The following PHACTR1 variants were observed in gnomAD, a reference collection of about 807,000 sequenced individuals.
PHACTR1 encodes RPEL repeat containing 1.
A neutral mutation model predicts 69.2 loss-of-function variants in PHACTR1; 16 were observed. The ratio of observed to expected loss-of-function variants is 0.23; its 90% CI spans 0.16 to 0.35. The LOEUF (loss-of-function observed/expected upper bound fraction) is 0.35, where lower values mean the gene tolerates loss of function less well. Among genes scored for constraint, PHACTR1 ranks in the 10% least tolerant of loss-of-function variants. The probability of loss-of-function intolerance (pLI) is 1.00; values close to 1 mark genes in which losing one functional copy is unlikely to be tolerated. For synonymous variants in PHACTR1, 312 were observed against 284.5 expected (o/e 1.10, Z -0.97); for missense variants, 510 against 734.7 (o/e 0.69, Z 3.54).
rs1162361845 is a variant in PHACTR1 at position 12,999,874 on chromosome 6, C to T, written c.251-53491C>T. 2.0e-5 allele frequency among the ~76,000 whole-genome samples: 3 copies of T among 152,190 alleles called. No individual in the cohort carries two copies. The East Asian group carries it at 5.8e-4, about 29-fold the overall frequency. ...ATTCCTTTACATTATTTTTGAAACACTAAAGCAGCTAGGACTCCATGTTAA... is the reference window on the plus strand; with the variant it reads ...ATTCCTTTACATTATTTTTGAAACATTAAAGCAGCTAGGACTCCATGTTAA... On this transcript the variant is annotated intron_variant, in intron 4 of 14. Coordinates refer to ENST00000332995, the MANE Select transcript of PHACTR1 (RefSeq NM_030948.6).
chr6:13,280,785 G>T, intron 12 of PHACTR1: 1 of 400,486 alleles, frequency 2.5e-6, no homozygotes, highest in Non-Finnish European at 4.6e-6. Context: ...TTGGGAGGCC[G>T]AGGCGGGCCT....
rs1777274887 is a variant in PHACTR1, at chr6:13,269,268, G to GTCTCT, written c.1392-3591_1392-3590insCTCTT. ...TGCGCATCTCTTATAAAAGCAGCAAGTATTTTTAGGGAAAATAAACTGGCA... is the reference window on the plus strand; with the variant it reads ...TGCGCATCTCTTATAAAAGCAGCAAGTCTCTTATTTTTAGGGAAAATAAACTGGCA... On this transcript the variant is annotated intron_variant, in intron 10 of 14. Transcript: ENST00000332995. 2.6e-5 allele frequency among the ~76,000 whole-genome samples: 4 copies of GTCTCT among 152,310 alleles called. No individual in the cohort carries two copies. The South Asian group carries it at 6.2e-4, about 24-fold the overall frequency.
Position 12,994,304 on chromosome 6 carries a change from C to A in PHACTR1, c.251-59061C>A, listed in dbSNP as rs530179576. On this transcript the variant is annotated intron_variant, in intron 4 of 14. Transcript: ENST00000332995. ...AGTGTAAAGCAACTTCTCTGTCACT[C>A]CCTCAAGAGGTGGGATTTTTCCCCC... Among the ~76,000 whole-genome samples the A allele has an allele frequency of 4.6e-5, 7 of 152,256 alleles. No homozygotes were observed. In the East Asian group the frequency reaches 1.4e-3, roughly 29 times the overall value.
intron 4 of PHACTR1, among the ~76,000 whole-genome samples, chr6:12,926,562 C>T (rs1205856805): frequency 3.3e-5 from 5 of 152,234 alleles, no homozygotes; most frequent in Non-Finnish European, 5.9e-5. Context: ...CACCCTGTCT[C>T]ACAACATCAA....
At chr6:12,992,621 T>C (rs1374975601) in intron 4 of PHACTR1, among the ~76,000 whole-genome samples, 3 of 152,172 alleles carry the variant, frequency 2.0e-5, no homozygotes, top group Admixed American at 6.5e-5. Context: ...ATTTACCAAA[T>C]ATTGAAGCGG....
chr6:12,819,278 T>G (rs926360920), intron 4 of PHACTR1, among the ~76,000 whole-genome samples: 3 of 152,162 alleles, frequency 2.0e-5, no homozygotes, highest in African/African-American at 7.2e-5. Context: ...GAAAGGAAAA[T>G]TCTCTGCAAT....
chr6:13,197,128 G>C lies in PHACTR1; in HGVS notation c.665-8687G>C, dbSNP rs1764547995. The stretch of plus-strand genomic sequence containing the variant: ...CCTCCAAACAACCTATGGCAGAGGT[G>C]GGGAATGTATTATGATGTTTGTCTC... On this transcript the variant is annotated intron_variant, in intron 7 of 14. Transcript: ENST00000332995. Among the ~76,000 whole-genome samples, 3 of 152,326 alleles carry C rather than the reference G, an allele frequency of 2.0e-5. No homozygotes were observed. In the Middle Eastern group the frequency reaches 0.01, roughly 518 times the overall value.
At chr6:13,012,854 A>C (rs1398037850) in intron 4 of PHACTR1, among the ~76,000 whole-genome samples, 1 of 152,168 alleles carries the variant, frequency 6.6e-6, no homozygotes, top group African/African-American at 2.4e-5. Flanking sequence ...GCTGAAGAAT[A>C]ATAATTACAA....
At chr6:12,795,669 C>T (rs564456131) in intron 4 of PHACTR1, among the ~76,000 whole-genome samples, 1 of 151,560 alleles carries the variant, frequency 6.6e-6, no homozygotes, top group Admixed American at 6.6e-5. Flanking sequence ...TCATTGTGCC[C>T]ATACATATTA....
chr6:13,185,415 A>T (rs9473639), intron 7 of PHACTR1, among the ~76,000 whole-genome samples: 7,287 of 151,620 alleles, frequency 0.048, 577 homozygotes, highest in African/African-American at 0.17. Context: ...TCTGAAGCCC[A>T]GTGTATTTCA....
intron 4 of PHACTR1, among the ~76,000 whole-genome samples, chr6:12,803,498 A>T (rs1487178241): frequency 6.6e-6 from 1 of 152,216 alleles, no homozygotes; most frequent in Non-Finnish European, 1.5e-5. Context: ...TGCCAAAACC[A>T]TGCTACTCTC....
Position 13,223,849 on chromosome 6 carries a change from C to A in PHACTR1, c.987-3967C>A, listed in dbSNP as rs1028587877. Reference sequence around the variant, plus strand: ...AGTAAATGTTCTCTCTATTCACTCTCCCTTCTTTCCTTCTCTCCTTCAACT... The same window carrying A: ...AGTAAATGTTCTCTCTATTCACTCTACCTTCTTTCCTTCTCTCCTTCAACT... On this transcript the variant is annotated intron_variant, in intron 8 of 14. Transcript: ENST00000332995. 2.0e-5 allele frequency among the ~76,000 whole-genome samples: 3 copies of A among 152,146 alleles called. No individual in the cohort carries two copies. In the South Asian group the frequency reaches 6.2e-4, roughly 32 times the overall value.
chr6:13,056,018 C>T (rs1347909738), intron 5 of PHACTR1, among the ~76,000 whole-genome samples: 1 of 152,142 alleles, frequency 6.6e-6, no homozygotes, highest in Non-Finnish European at 1.5e-5. Context: ...TAGAGACATT[C>T]CACTCCTGAA....
At chr6:12,736,819 G>C (rs1053630939) in intron 3 of PHACTR1, among the ~76,000 whole-genome samples, 1 of 151,948 alleles carries the variant, frequency 6.6e-6, no homozygotes, top group Non-Finnish European at 1.5e-5. Flanking sequence ...TGGCCTTTTG[G>C]CTAAGATCAA....
chr6:12,917,016 G>T (rs1787087891), intron 4 of PHACTR1, among the ~76,000 whole-genome samples: 1 of 152,174 alleles, frequency 6.6e-6, no homozygotes, highest in Non-Finnish European at 1.5e-5. Context: ...CTAGTTGAAG[G>T]ATACTATTAC....
intron 5 of PHACTR1, among the ~76,000 whole-genome samples, chr6:13,061,231 A>T (rs1807635007): frequency 6.6e-6 from 1 of 152,176 alleles, no homozygotes; most frequent in South Asian, 2.1e-4. Flanking sequence ...AATCTATTTC[A>T]GATATCCTTC....
chr6:13,286,701 T>C lies in PHACTR1; in HGVS notation c.1728-362T>C, dbSNP rs116659488. ...AGGCATGGAGTGATTAAGAGGATTA[T>C]ATAAGGTTGCATTGCTAGTTAGCAA... On this transcript the variant is annotated intron_variant, in intron 14 of 14. Transcript: ENST00000332995. Among the ~76,000 whole-genome samples the C allele has an allele frequency of 3.2e-3, 482 of 152,386 alleles. 3 individuals are homozygous for C. The highest frequency in any genetic ancestry group is 0.011 in the African/African-American group (466 of 41,596).
chr6:12,725,947 A>G (rs1762735479), intron 3 of PHACTR1, among the ~76,000 whole-genome samples: 1 of 152,168 alleles, frequency 6.6e-6, no homozygotes, highest in Non-Finnish European at 1.5e-5. Flanking sequence ...AGACTCCAGG[A>G]AAGGGTGTGA....
chr6:12,867,657 G>A (rs1218348320), intron 4 of PHACTR1, among the ~76,000 whole-genome samples: 1 of 152,164 alleles, frequency 6.6e-6, no homozygotes, highest in Non-Finnish European at 1.5e-5. Flanking sequence ...CTCTCCCAAT[G>A]CCTAATACAT....
Sources: allele counts gnomAD v4.1 joint callset (sites outside exome capture counted in the v4.1 genomes callset), GRCh38; gene constraint gnomAD v4.1.1; transcripts MANE v1.5; gene names NCBI Gene and HGNC (gene_info 2026-07-23, HGNC 2026-07-21).